Variants in TMTC2 observed in about 807,000 individuals in gnomAD.
TMTC2 encodes transmembrane O-mannosyltransferase targeting cadherins 2.
Under a neutral mutation model 82.4 loss-of-function variants are expected in TMTC2, and 43 were observed. The observed-to-expected ratio is 0.52, with a 90% CI of 0.41 to 0.67. The LOEUF (loss-of-function observed/expected upper bound fraction) is 0.67. TMTC2 is among the 30% of genes least tolerant of loss of function. The pLI, the probability that TMTC2 is intolerant of heterozygous loss-of-function variation, is 0.00. For missense variants in TMTC2, 919 were observed against 1,012.4 expected (o/e 0.91, Z 1.25); for synonymous variants, 408 against 381.9 (o/e 1.07, Z -0.80).
intron 8 of TMTC2, among the ~76,000 whole-genome samples, chr12:82,988,999 G>A (rs145561546): frequency 1.5e-3 from 226 of 150,814 alleles, no homozygotes; most frequent in Middle Eastern, 6.8e-3. Flanking sequence ...CAAATTATTA[G>A]GAGAAGGAAC....
At chr12:82,921,397 A>C (rs897226672) in intron 3 of TMTC2, among the ~76,000 whole-genome samples, 1 of 152,176 alleles carries the variant, frequency 6.6e-6, no homozygotes, top group Non-Finnish European at 1.5e-5. Context: ...TATTAGTTTA[A>C]ATGAATTGAG....
chr12:82,845,992 T>G (rs74359087), intron 1 of TMTC2, among the ~76,000 whole-genome samples: 6,217 of 151,494 alleles, frequency 0.041, 469 homozygotes, highest in African/African-American at 0.14. Context: ...AATGACAGCA[T>G]TGCTTTATCG....
At chr12:82,718,747 T>A (rs2136922978) in intron 1 of TMTC2, among the ~76,000 whole-genome samples, 1 of 152,242 alleles carries the variant, frequency 6.6e-6, no homozygotes, top group African/African-American at 2.4e-5. Context: ...TCTGATATGT[T>A]TTACTTTTAT....
intron 2 of TMTC2, among the ~76,000 whole-genome samples, chr12:82,887,216 G>A (rs755732731): frequency 1.1e-4 from 16 of 152,058 alleles, no homozygotes; most frequent in Non-Finnish European, 1.8e-4. Context: ...TACATTTTTC[G>A]TTCATTGAGA....
chr12:83,041,146 C>T (rs1423835079), intron 9 of TMTC2, among the ~76,000 whole-genome samples: 7 of 152,062 alleles, frequency 4.6e-5, no homozygotes, highest in Non-Finnish European at 7.4e-5. Context: ...GCTAAGGCGA[C>T]GTATAGTTAT....
At chr12:83,033,870 A>ATATATATATATATG (rs1881554715) in intron 9 of TMTC2, among the ~76,000 whole-genome samples, 2 of 120,056 alleles carry the variant, frequency 1.7e-5, no homozygotes, top group African/African-American at 8.0e-5. Flanking sequence ...GTGTATGTGT[A>ATATATATATATATG]TATATATATA....
chr12:82,828,046 C>T (rs1482174183), intron 1 of TMTC2, among the ~76,000 whole-genome samples: 2 of 151,594 alleles, frequency 1.3e-5, no homozygotes, highest in African/African-American at 4.9e-5. Context: ...GCATGCGCCA[C>T]CATGCCCAGC....
At chr12:82,920,687 C>T (rs968831787) in intron 3 of TMTC2, among the ~76,000 whole-genome samples, 1 of 152,086 alleles carries the variant, frequency 6.6e-6, no homozygotes, top group African/African-American at 2.4e-5. Context: ...AATAACTCCA[C>T]AGATCATATT....
rs1218921560 is a variant in TMTC2 at position 82,857,417 on chromosome 12, A to G, written c.491A>G (p.Tyr164Cys). The G allele has an allele frequency of 2.5e-6, 4 of 1,614,116 alleles. No individual in the cohort carries two copies. Among genetic ancestry groups the G allele is most frequent in the Admixed American group, 1.7e-5 (1 of 60,016 alleles). Residue 164 changes from tyrosine to cysteine, a missense_variant, in exon 2 of 12, where the codon TAC (tyrosine) becomes TGC (cysteine). By Grantham distance (194) the Tyr-to-Cys change is radical. Transcript: ENST00000321196. ...ATTAAACACTGTTCTACAAGAGGCT[A>G]CTCAGCCAGAACCTGGGGCTGGTTC... Reference protein sequence around the residue: ...CYIKHCSTRGYSARTWGWFLG... With the variant: ...CYIKHCSTRGCSARTWGWFLG...
At position 82,774,633 on chromosome 12, in the gene TMTC2, A is replaced by ATTTTT. The variant is rs1211938967; in HGVS notation, c.84-82364_84-82360dup. Among the ~76,000 whole-genome samples the ATTTTT allele has an allele frequency of 6.0e-4, 78 of 131,008 alleles. 2 individuals carry two copies. The highest frequency in any genetic ancestry group is 8.6e-4 in the Non-Finnish European group (53 of 61,468). 85.9% of individuals were successfully genotyped at this position (131,008 alleles called of 152,430 possible). On this transcript the variant is annotated intron_variant, in intron 1 of 11. Transcript: ENST00000321196. Reference sequence around the variant, plus strand: ...AAGACTGTCTCAAAAAAAAAGAACAATTTTTTTTTTTTTTTTTGTCTGGGG... The same window carrying ATTTTT: ...AAGACTGTCTCAAAAAAAAAGAACAATTTTTTTTTTTTTTTTTTTTTTGTCTGGGG...
chr12:82,744,520 G>A (rs917175408), intron 1 of TMTC2, among the ~76,000 whole-genome samples: 7 of 146,644 alleles, frequency 4.8e-5, no homozygotes, highest in Non-Finnish European at 1.0e-4. Context: ...ACAAGTTCAG[G>A]GCTGCAGTGG....
intron 2 of TMTC2, among the ~76,000 whole-genome samples, chr12:82,889,226 G>A (rs1235013526): frequency 6.7e-6 from 1 of 148,252 alleles, no homozygotes; most frequent in Non-Finnish European, 1.5e-5. Flanking sequence ...GCAGTGAGCC[G>A]AGATCGTACC....
At chr12:82,958,700 C>T (rs943238165) in intron 4 of TMTC2, among the ~76,000 whole-genome samples, 3 of 152,054 alleles carry the variant, frequency 2.0e-5, no homozygotes, top group African/African-American at 4.8e-5. Flanking sequence ...TAAGAGCCAT[C>T]TTTGACACAC....
At chr12:83,085,445 G>T (rs1452046947) in intron 11 of TMTC2, among the ~76,000 whole-genome samples, 1 of 152,130 alleles carries the variant, frequency 6.6e-6, no homozygotes, top group African/African-American at 2.4e-5. Context: ...TTTTCTTTCG[G>T]ATTTCATTTG....
intron 1 of TMTC2, among the ~76,000 whole-genome samples, chr12:82,812,563 T>C (rs10862512): frequency 0.096 from 14,590 of 152,066 alleles, 828 homozygotes; most frequent in Middle Eastern, 0.2. Flanking sequence ...AATTAAACTA[T>C]TGGATATTTT....
At chr12:82,881,595 A>G (rs990113238) in intron 2 of TMTC2, among the ~76,000 whole-genome samples, 2 of 152,178 alleles carry the variant, frequency 1.3e-5, no homozygotes, top group Middle Eastern at 3.2e-3. Context: ...AAACTTCTTA[A>G]TATTTTCCTT....
At chr12:83,086,327 G>A (rs150334141) in intron 11 of TMTC2, among the ~76,000 whole-genome samples, 6 of 152,286 alleles carry the variant, frequency 3.9e-5, no homozygotes, top group Non-Finnish European at 7.4e-5. Context: ...TTCCCATATG[G>A]AGACACTTTG....
chr12:82,699,952 A>G (rs1175805724), intron 1 of TMTC2, among the ~76,000 whole-genome samples: 1 of 152,182 alleles, frequency 6.6e-6, no homozygotes, highest in African/African-American at 2.4e-5. Flanking sequence ...TTTTCTAAAT[A>G]TAGGATGACT....
intron 1 of TMTC2, among the ~76,000 whole-genome samples, chr12:82,807,479 G>T (rs1007542552): frequency 6.6e-6 from 1 of 152,138 alleles, no homozygotes; most frequent in Non-Finnish European, 1.5e-5. Flanking sequence ...AGGTATTTCA[G>T]TGTAAGTTTC....
Sources: allele counts gnomAD v4.1 joint callset (sites outside exome capture counted in the v4.1 genomes callset), GRCh38; gene constraint gnomAD v4.1.1; transcripts MANE v1.5; gene names NCBI Gene and HGNC (gene_info 2026-07-23, HGNC 2026-07-21).